MPPED2: variants seen among roughly 807,000 people sequenced by gnomAD.
MPPED2 encodes metallophosphoesterase MPPED2.
Under a neutral mutation model 33.0 loss-of-function variants are expected in MPPED2, and 5 were observed. The ratio of observed to expected loss-of-function variants is 0.15; its 90% CI spans 0.08 to 0.32. The LOEUF is 0.32. MPPED2 is among the 10% of genes least tolerant of loss of function. MPPED2 has a pLI of 1.00. For synonymous variants in MPPED2, 136 were observed against 141.9 expected, an observed-to-expected ratio of 0.96 and a Z score of 0.29; for missense variants, 275 against 372.1, an observed-to-expected ratio of 0.74 and a Z score of 2.15.
chr11:30,577,951 A>G (rs1957000476), intron 2 of MPPED2, among the ~76,000 whole-genome samples: 1 of 152,250 alleles, frequency 6.6e-6, no homozygotes, highest in Non-Finnish European at 1.5e-5. Context: ...TTTCTTTAAG[A>G]AGTAAAAAAT....
At chr11:30,524,584 G>A (rs2134400269) in intron 3 of MPPED2, among the ~76,000 whole-genome samples, 1 of 152,328 alleles carries the variant, frequency 6.6e-6, no homozygotes, top group Non-Finnish European at 1.5e-5. Flanking sequence ...AATGCAGGTA[G>A]AGGGTCAGGC....
At chr11:30,404,901 A>G (rs1947966927) in intron 6 of MPPED2, among the ~76,000 whole-genome samples, 1 of 152,176 alleles carries the variant, frequency 6.6e-6, no homozygotes, top group African/African-American at 2.4e-5. Flanking sequence ...TGATTAATTC[A>G]TTAAGAAGGT....
chr11:30,541,264 G>GT (rs1402091180), intron 2 of MPPED2, among the ~76,000 whole-genome samples: 1 of 152,070 alleles, frequency 6.6e-6, no homozygotes, highest in East Asian at 1.9e-4. Context: ...ACATATTAGG[G>GT]TTTTTTTACT....
intron 4 of MPPED2, among the ~76,000 whole-genome samples, chr11:30,477,718 C>G (rs1233337769): frequency 6.6e-6 from 1 of 152,044 alleles, no homozygotes; most frequent in Non-Finnish European, 1.5e-5. Flanking sequence ...GTCATGCTGG[C>G]TATAAAACAT....
At chr11:30,452,069 C>G in intron 4 of MPPED2, 1 of 985,454 alleles carries the variant, frequency 1.0e-6, no homozygotes. Context: ...GCCACCTCAG[C>G]TTCACTTGTG....
intron 2 of MPPED2, among the ~76,000 whole-genome samples, chr11:30,579,847 A>T (rs1234730841): frequency 6.6e-6 from 1 of 151,960 alleles, no homozygotes; most frequent in African/African-American, 2.4e-5. Context: ...AAAAAACTAC[A>T]GAAATTTTAA....
At chr11:30,544,610 C>T (rs2134565885) in intron 2 of MPPED2, among the ~76,000 whole-genome samples, 1 of 152,318 alleles carries the variant, frequency 6.6e-6, no homozygotes, top group South Asian at 2.1e-4. Context: ...TTATGGGCCA[C>T]AGACTGTGCT....
chr11:30,469,206 G>A (rs888976399), intron 4 of MPPED2, among the ~76,000 whole-genome samples: 2 of 152,294 alleles, frequency 1.3e-5, no homozygotes, highest in East Asian at 3.9e-4. Flanking sequence ...GAAAAGAAGT[G>A]TAGTTTTCAC....
intron 4 of MPPED2, among the ~76,000 whole-genome samples, chr11:30,454,935 G>A (rs1401025366): frequency 7.2e-5 from 11 of 152,200 alleles, no homozygotes; most frequent in Non-Finnish European, 1.5e-5. Flanking sequence ...GCCAAAGGGT[G>A]GAGAAGCATA....
intron 4 of MPPED2, chr11:30,451,622 C>T (rs940945557): frequency 3.3e-5 from 28 of 853,410 alleles, no homozygotes; most frequent in Middle Eastern, 6.0e-4. Context: ...CCATGGGAGA[C>T]GTTATTTTAA....
intron 2 of MPPED2, among the ~76,000 whole-genome samples, chr11:30,579,406 T>C (rs1762850136): frequency 6.6e-6 from 1 of 152,120 alleles, no homozygotes; most frequent in Non-Finnish European, 1.5e-5. Context: ...ATGTTAGACA[T>C]TGGAAGGGTC....
Position 30,446,327 on chromosome 11 carries a change from T to C in MPPED2, c.537-28694A>G, listed in dbSNP as rs934957978. ...TACCACTTATTGAGCACCTAGCAAG[T>C]ACCAAGCTCTGCTAAGAATTCACCG... On this transcript the variant is annotated intron_variant, in intron 4 of 6. Coordinates refer to ENST00000358117, the MANE Select transcript of MPPED2 (RefSeq NM_001584.3). 3.5e-4 allele frequency among the ~76,000 whole-genome samples: 53 copies of C among 152,226 alleles called. 1 individual carries two copies. The highest frequency in any genetic ancestry group is 1.3e-3 in the African/African-American group (52 of 41,460).
chr11:30,445,467 C>T (rs1315778010), intron 4 of MPPED2, among the ~76,000 whole-genome samples: 2 of 152,174 alleles, frequency 1.3e-5, no homozygotes, highest in Non-Finnish European at 2.9e-5. Flanking sequence ...GTAAAATATG[C>T]ATAACAAATA....
At chr11:30,432,168 C>CAA (rs34934978) in intron 4 of MPPED2, among the ~76,000 whole-genome samples, 1,503 of 142,086 alleles carry the variant, frequency 0.011, 32 homozygotes, top group African/African-American at 0.034. Flanking sequence ...GATTCTGTCT[C>CAA]AAAAAAAAAA....
intron 4 of MPPED2, among the ~76,000 whole-genome samples, chr11:30,458,800 T>A (rs1160967449): frequency 6.6e-6 from 1 of 152,100 alleles, no homozygotes; most frequent in Non-Finnish European, 1.5e-5. Flanking sequence ...CTGAGACTTG[T>A]ATTCAGGAAC....
chr11:30,500,553 T>C (rs1590598878), intron 3 of MPPED2, among the ~76,000 whole-genome samples: 2 of 152,224 alleles, frequency 1.3e-5, no homozygotes, highest in African/African-American at 4.8e-5. Context: ...AGATTCCTTA[T>C]GTTCTCTAAA....
intron 2 of MPPED2, among the ~76,000 whole-genome samples, chr11:30,552,353 C>A (rs1565177535): frequency 6.6e-6 from 1 of 152,052 alleles, no homozygotes; most frequent in Non-Finnish European, 1.5e-5. Flanking sequence ...GCTTTTTTTA[C>A]CCTAGTTATG....
intron 4 of MPPED2, among the ~76,000 whole-genome samples, chr11:30,494,951 A>G (rs923394241): frequency 6.6e-6 from 1 of 152,170 alleles, no homozygotes; most frequent in Non-Finnish European, 1.5e-5. Context: ...GGATGTGCAT[A>G]GGTTATATGC....
At chr11:30,425,651 A>G (rs1006600490) in intron 4 of MPPED2, 2 of 152,208 alleles carry the variant, frequency 1.3e-5, no homozygotes, top group African/African-American at 4.8e-5. Context: ...TGGTGCTTAC[A>G]TAAGTGGCTC....
Sources: gnomAD v4.1 joint callset for allele counts (sites outside exome capture counted in the v4.1 genomes callset) on GRCh38, gnomAD v4.1.1 for gene constraint, MANE v1.5 for transcripts, NCBI Gene and HGNC (gene_info 2026-07-23, HGNC 2026-07-21) for gene names.